Variants in XKR4 observed in about 807,000 individuals in gnomAD.
The protein encoded by XKR4 is XK-related protein 4.
In XKR4, 12 loss-of-function variants were observed where a neutral mutation model predicts 53.9. The observed-to-expected ratio is 0.22, with a 90% CI of 0.14 to 0.36. XKR4 has a LOEUF of 0.36. Ranked by LOEUF, XKR4 falls within the 10% of genes least tolerant of loss-of-function variation. The pLI, the probability that XKR4 is intolerant of heterozygous loss-of-function variation, is 1.00. For missense variants in XKR4, 799 were observed against 859.5 expected, an observed-to-expected ratio of 0.93 and a Z score of 0.88; for synonymous variants, 354 against 362.4, an observed-to-expected ratio of 0.98 and a Z score of 0.26.
intron 2 of XKR4, among the ~76,000 whole-genome samples, chr8:55,494,779 C>T (rs576449112): frequency 1.2e-4 from 19 of 152,234 alleles, no homozygotes; most frequent in African/African-American, 2.9e-4. Context: ...GGACCTCAGA[C>T]GGGAGGAAGT....
rs10598891 is a variant in XKR4 at position 55,434,410 on chromosome 8, C to CGTGTGTGTGTGT, written c.1006+76554_1006+76565dup. ...TTGATTGTTCTTACTTGATACCAAT[C>CGTGTGTGTGTGT]GTGTGTGTGTGTGTGTGTGTGTGTG... On this transcript the variant is annotated intron_variant, in intron 2 of 2. Transcript: ENST00000327381. 2.2e-3 allele frequency among the ~76,000 whole-genome samples: 324 copies of CGTGTGTGTGTGT among 148,242 alleles called. 3 individuals carry two copies. Among genetic ancestry groups the CGTGTGTGTGTGT allele is most frequent in the African/African-American group, 7.5e-3 (299 of 39,864 alleles).
intron 2 of XKR4, among the ~76,000 whole-genome samples, chr8:55,460,995 G>A (rs1359764568): frequency 1.3e-5 from 2 of 152,212 alleles, no homozygotes; most frequent in African/African-American, 2.4e-5. Context: ...GCTTGAACTG[G>A]GTGAGCCCAC....
chr8:55,384,982 T>G (rs962480127), intron 2 of XKR4, among the ~76,000 whole-genome samples: 1 of 152,226 alleles, frequency 6.6e-6, no homozygotes, highest in Non-Finnish European at 1.5e-5. Context: ...ACCATTCTTT[T>G]GAATGGCCTT....
chr8:55,233,086 C>G (rs1818066754), intron 1 of XKR4, among the ~76,000 whole-genome samples: 1 of 152,186 alleles, frequency 6.6e-6, no homozygotes, highest in Admixed American at 6.5e-5. Context: ...ACTTTACACT[C>G]TGTGTTTTGA....
intron 1 of XKR4, among the ~76,000 whole-genome samples, chr8:55,178,427 A>G (rs1258516229): frequency 6.6e-6 from 1 of 152,220 alleles, no homozygotes; most frequent in African/African-American, 2.4e-5. Flanking sequence ...TGAAGGTTAA[A>G]AGGGTTACTG....
chr8:55,284,029 T>C (rs16921543), intron 1 of XKR4, among the ~76,000 whole-genome samples: 20,361 of 152,276 alleles, frequency 0.13, 1,582 homozygotes, highest in Non-Finnish European at 0.18. Flanking sequence ...AATTGACTCA[T>C]GGGTGCAACA....
chr8:55,258,722 T>C (rs1818473537), intron 1 of XKR4, among the ~76,000 whole-genome samples: 1 of 152,190 alleles, frequency 6.6e-6, no homozygotes, highest in African/African-American at 2.4e-5. Context: ...TAATGATCAT[T>C]TGTATTGTTA....
intron 1 of XKR4, among the ~76,000 whole-genome samples, chr8:55,286,861 G>A (rs1300232252): frequency 1.3e-5 from 2 of 152,176 alleles, no homozygotes; most frequent in Non-Finnish European, 2.9e-5. Flanking sequence ...AATATTTAGA[G>A]CTAGATGTTA....
At chr8:55,258,535 C>T (rs902594179) in intron 1 of XKR4, among the ~76,000 whole-genome samples, 1 of 152,052 alleles carries the variant, frequency 6.6e-6, no homozygotes, top group African/African-American at 2.4e-5. Flanking sequence ...AAACCTAAAG[C>T]GGGAATGACA....
At position 55,524,040 on chromosome 8, in the gene XKR4, G is replaced by C; in HGVS notation, c.1766G>C (p.Arg589Pro). The C allele has an allele frequency of 6.2e-7, 1 of 1,614,142 alleles. No homozygotes were observed. The highest frequency in any genetic ancestry group is 8.5e-7 in the Non-Finnish European group (1 of 1,180,038). ...APSTPSSRPP[R>P]IEESVIKIDL... The stretch of plus-strand genomic sequence containing the variant: ...TCCACCCCATCATCTCGCCCACCAC[G>C]GATTGAAGAATCAGTCATTAAAATT... Residue 589 changes from arginine (R) to proline (P), a missense_variant, in exon 3 of 3, where the codon CGG becomes CCG. This residue lies in a region of XKR4 where 269 missense variants were observed against 264.4 expected (regional missense o/e 1.02). Coordinates refer to ENST00000327381, the MANE Select transcript of XKR4 (RefSeq NM_052898.2).
intron 1 of XKR4, among the ~76,000 whole-genome samples, chr8:55,180,263 A>C (rs1218944810): frequency 6.6e-6 from 1 of 152,208 alleles, no homozygotes; most frequent in Admixed American, 6.5e-5. Context: ...AGCTGCATGG[A>C]GTGGTGTGTG....
At chr8:55,479,144 T>A (rs1032315655) in intron 2 of XKR4, among the ~76,000 whole-genome samples, 25 of 152,202 alleles carry the variant, frequency 1.6e-4, no homozygotes, top group Non-Finnish European at 1.9e-4. Flanking sequence ...GATCACATGC[T>A]TGGAAGTAAA....
chr8:55,164,139 T>C (rs922089653), intron 1 of XKR4: 9 of 455,132 alleles, frequency 2.0e-5, no homozygotes, highest in African/African-American at 1.2e-4. Flanking sequence ...AGACCAGCCC[T>C]ACAGGAGTTT....
At chr8:55,139,093 A>G (rs997250060) in intron 1 of XKR4, among the ~76,000 whole-genome samples, 2 of 152,214 alleles carry the variant, frequency 1.3e-5, no homozygotes, top group African/African-American at 4.8e-5. Flanking sequence ...ACAAGATTCT[A>G]TAAACTCAAA....
intron 1 of XKR4, among the ~76,000 whole-genome samples, chr8:55,257,121 G>T (rs114810704): frequency 6.6e-6 from 1 of 152,082 alleles, no homozygotes; most frequent in African/African-American, 2.4e-5. Flanking sequence ...TAGGAATTTT[G>T]GGGGAACACC....
At chr8:55,470,838 A>G (rs144427601) in intron 2 of XKR4, among the ~76,000 whole-genome samples, 23 of 152,140 alleles carry the variant, frequency 1.5e-4, no homozygotes, top group African/African-American at 4.8e-4. Flanking sequence ...CTGAGGATCA[A>G]TGATTAACTC....
At chr8:55,326,329 G>C (rs1022068252) in intron 1 of XKR4, among the ~76,000 whole-genome samples, 3 of 152,104 alleles carry the variant, frequency 2.0e-5, no homozygotes, top group African/African-American at 7.2e-5. Flanking sequence ...CAATAACCAG[G>C]CATGATCAGT....
At chr8:55,122,056 T>C (rs983981650) in intron 1 of XKR4, among the ~76,000 whole-genome samples, 8 of 152,222 alleles carry the variant, frequency 5.3e-5, no homozygotes, top group Non-Finnish European at 1.0e-4. Flanking sequence ...TAAATTGTTA[T>C]AGTATTAGCT....
chr8:55,186,383 C>T (rs1817376857), intron 1 of XKR4, among the ~76,000 whole-genome samples: 1 of 152,142 alleles, frequency 6.6e-6, no homozygotes, highest in Non-Finnish European at 1.5e-5. Context: ...AGGCCGGGCG[C>T]TGTGGCTCAT....
Sources: allele counts gnomAD v4.1 joint callset (sites outside exome capture counted in the v4.1 genomes callset), GRCh38; gene constraint gnomAD v4.1.1; regional missense constraint gnomAD v4.1.1; transcripts MANE v1.5; gene names NCBI Gene and HGNC (gene_info 2026-07-23, HGNC 2026-07-21).